Variants in DIAPH2 observed in about 807,000 individuals in gnomAD.
DIAPH2 encodes the protein diaphanous related formin 2.
DIAPH2 carries 35 observed loss-of-function variants against 92.7 expected under a neutral mutation model. That is an observed-to-expected ratio of 0.38 (90% CI 0.29 to 0.50). The LOEUF (loss-of-function observed/expected upper bound fraction) is 0.50. Among genes scored for constraint, DIAPH2 ranks in the 20% least tolerant of loss-of-function variants. The probability of loss-of-function intolerance (pLI) is 0.94; values close to 1 mark genes in which losing one functional copy is unlikely to be tolerated. For synonymous variants in DIAPH2, 301 were observed against 280.4 expected (o/e 1.07, Z -0.73); for missense variants, 701 against 819.5 (o/e 0.86, Z 1.77).
At position 96,699,054 on chromosome X, in the gene DIAPH2, ATATTT is replaced by A. The variant is rs773178697; in HGVS notation, c.132+13865_132+13869del. 2.3e-4 allele frequency among the ~76,000 whole-genome samples: 26 copies of A among 111,234 alleles called. No individual in the cohort carries two copies. The South Asian group carries it at 1.0e-2, about 43-fold the overall frequency. On this transcript the variant is annotated intron_variant, in intron 1 of 26. Coordinates refer to ENST00000324765, the MANE Select transcript of DIAPH2 (RefSeq NM_006729.5). The stretch of plus-strand genomic sequence containing the variant: ...CTTGATTACCAATGTTAATGAGCTA[ATATTT>A]CCATATTGGTTCTGTTCATACAACT...
intron 24 of DIAPH2, among the ~76,000 whole-genome samples, chrX:97,352,989 C>G (rs1306781027): frequency 9.3e-6 from 1 of 107,701 alleles, no homozygotes; most frequent in East Asian, 2.9e-4. Flanking sequence ...AATGGAGACT[C>G]AGGAGGGTTT....
Position 96,912,255 on chromosome X carries a change from AT to A in DIAPH2, c.588-69del, listed in dbSNP as rs1385180596. On this transcript the variant is annotated intron_variant, in intron 5 of 26. Transcript: ENST00000324765. ...AGAATTATCAGATTTGAAAATTAAAATTTTATTTTGGATATTTAATGTTTTA... is the reference window on the plus strand; with the variant it reads ...AGAATTATCAGATTTGAAAATTAAAATTTATTTTGGATATTTAATGTTTTA... The A allele has an allele frequency of 3.5e-6, 3 of 853,305 alleles. No homozygotes were observed. The African/African-American group carries it at 6.2e-5, about 18-fold the overall frequency. 70.3% of individuals were successfully genotyped at this position (853,305 alleles called of 1,213,427 possible).
At chrX:97,399,420 TG>T (rs1214930430) in intron 25 of DIAPH2, among the ~76,000 whole-genome samples, 2 of 112,375 alleles carry the variant, frequency 1.8e-5, no homozygotes, top group Non-Finnish European at 1.9e-5. Flanking sequence ...TATGTTGGTT[TG>T]TTTGGCCTGT....
In DIAPH2 at chrX:96,967,483, G is replaced by A. The variant is rs749007011; in HGVS notation, c.2050+2276G>A. Reference sequence around the variant, plus strand: ...TGCCCAGGCTGGAGTGCAATGGCGCGATCTTGGCTCACTGCAACCTCCGCC... The same window carrying A: ...TGCCCAGGCTGGAGTGCAATGGCGCAATCTTGGCTCACTGCAACCTCCGCC... On this transcript the variant is annotated intron_variant, in intron 17 of 26. Transcript: ENST00000324765. Among the ~76,000 whole-genome samples, 6 of 109,557 alleles carry A rather than the reference G, an allele frequency of 5.5e-5. No homozygotes were observed. In the East Asian group the frequency reaches 1.7e-3, roughly 31 times the overall value.
chrX:97,500,763 GATATATAT>G (rs56041649), intron 26 of DIAPH2, among the ~76,000 whole-genome samples: 16,786 of 59,927 alleles, frequency 0.28, 2,268 homozygotes, highest in East Asian at 0.43. Flanking sequence ...CATTCAAGGA[GATATATAT>G]ATATATATAT....
At chrX:97,300,497 A>T (rs2068683787) in intron 23 of DIAPH2, among the ~76,000 whole-genome samples, 1 of 109,893 alleles carries the variant, frequency 9.1e-6, no homozygotes, top group South Asian at 3.9e-4. Flanking sequence ...ATTTGTAGTT[A>T]TATATAGATG....
chrX:97,222,909 C>G (rs894884062), intron 22 of DIAPH2, among the ~76,000 whole-genome samples: 5 of 111,568 alleles, frequency 4.5e-5, no homozygotes, highest in Non-Finnish European at 9.4e-5. Flanking sequence ...GCAGCCTCAA[C>G]ATGATTGGAT....
intron 26 of DIAPH2, among the ~76,000 whole-genome samples, chrX:97,556,310 G>A (rs912444249): frequency 6.2e-5 from 7 of 112,048 alleles, no homozygotes; most frequent in African/African-American, 2.3e-4. Flanking sequence ...CTGTTAAGTT[G>A]TTCATCATCC....
At chrX:97,469,973 A>G (rs1331411099) in intron 26 of DIAPH2, 1 of 453,157 alleles carries the variant, frequency 2.2e-6, no homozygotes, top group Non-Finnish European at 3.4e-6. Context: ...TGGGAAGAAA[A>G]CAGATATATA....
At chrX:97,294,597 G>T (rs1476327233) in intron 23 of DIAPH2, among the ~76,000 whole-genome samples, 4 of 111,200 alleles carry the variant, frequency 3.6e-5, no homozygotes, top group Non-Finnish European at 7.5e-5. Context: ...GGAATGTAGA[G>T]CATCCACAAG....
intron 26 of DIAPH2, among the ~76,000 whole-genome samples, chrX:97,481,082 C>A (rs548989881): frequency 1.0e-3 from 113 of 111,919 alleles, no homozygotes; most frequent in Middle Eastern, 4.6e-3. Context: ...TCGTTGAATT[C>A]CCCATTTGAA....
chrX:96,776,195 T>C (rs1260036761), intron 4 of DIAPH2, among the ~76,000 whole-genome samples: 4 of 110,842 alleles, frequency 3.6e-5, no homozygotes, highest in African/African-American at 1.3e-4. Flanking sequence ...TGGTATCCTT[T>C]TCTTCTTTTC....
At chrX:97,329,640 A>G (rs1172013590) in intron 23 of DIAPH2, among the ~76,000 whole-genome samples, 3 of 110,897 alleles carry the variant, frequency 2.7e-5, no homozygotes, top group Non-Finnish European at 5.7e-5. Context: ...ATGTCCTCCA[A>G]GGCACCAGGA....
chrX:96,859,066 T>G (rs1267715603), intron 4 of DIAPH2, among the ~76,000 whole-genome samples: 1 of 111,847 alleles, frequency 8.9e-6, no homozygotes, highest in Non-Finnish European at 1.9e-5. Context: ...GTTGACTATG[T>G]ACCTAAATTT....
chrX:97,322,169 C>T (rs1317602698), intron 23 of DIAPH2, among the ~76,000 whole-genome samples: 2 of 112,481 alleles, frequency 1.8e-5, no homozygotes, highest in South Asian at 3.7e-4. Context: ...ATAATTCACA[C>T]TTTGCAGACC....
intron 4 of DIAPH2, among the ~76,000 whole-genome samples, chrX:96,809,432 T>C (rs2064657058): frequency 9.0e-6 from 1 of 110,741 alleles, no homozygotes; most frequent in Non-Finnish European, 1.9e-5. Flanking sequence ...TAATGTTGTA[T>C]AACAAATCTC....
intron 9 of DIAPH2, among the ~76,000 whole-genome samples, chrX:96,921,963 A>T (rs5921884): frequency 0.071 from 7,865 of 111,131 alleles, 282 homozygotes; most frequent in African/African-American, 0.12. Context: ...CATCCAGCTC[A>T]GTGACTGGTA....
chrX:97,053,534 G>C (rs1017127403), intron 17 of DIAPH2, among the ~76,000 whole-genome samples: 2 of 110,586 alleles, frequency 1.8e-5, no homozygotes, highest in Non-Finnish European at 3.8e-5. Context: ...AGAAATTATG[G>C]TACCTGGCCT....
intron 22 of DIAPH2, among the ~76,000 whole-genome samples, chrX:97,206,328 TA>T (rs1360201771): frequency 3.6e-5 from 4 of 111,100 alleles, no homozygotes; most frequent in Non-Finnish European, 5.7e-5. Flanking sequence ...AAAACAAAAA[TA>T]AAAAAAATTA....
Sources: allele counts gnomAD v4.1 joint callset (sites outside exome capture counted in the v4.1 genomes callset), GRCh38; gene constraint gnomAD v4.1.1; transcripts MANE v1.5; gene names NCBI Gene and HGNC (gene_info 2026-07-23, HGNC 2026-07-21).